The following SPTBN4 variants were observed in gnomAD, a reference collection of about 807,000 sequenced individuals.
SPTBN4 encodes spectrin beta chain, non-erythrocytic 4.
In SPTBN4, 96 loss-of-function variants were observed where a neutral mutation model predicts 277.8. That is an observed-to-expected ratio of 0.35 (90% CI 0.29 to 0.41). SPTBN4 has a LOEUF of 0.41. Ranked by LOEUF, SPTBN4 falls within the 10% of genes least tolerant of loss-of-function variation. SPTBN4 has a pLI of 1.00. For missense variants in SPTBN4, 3,006 were observed against 3,595.7 expected (o/e 0.84, Z 4.19); for synonymous variants, 1,481 against 1,580.3 (o/e 0.94, Z 1.49).
chr19:40,520,719 C>T (rs2080517214), intron 16 of SPTBN4, among the ~76,000 whole-genome samples: 1 of 152,096 alleles, frequency 6.6e-6, no homozygotes, highest in African/African-American at 2.4e-5. Context: ...GCATGAGGAA[C>T]CAAGTGCAGT....
chr19:40,467,503 G>A (rs1258091897), intron 1 of SPTBN4, among the ~76,000 whole-genome samples, 198 bp downstream of exon 1: 1 of 152,054 alleles, frequency 6.6e-6, no homozygotes, highest in Admixed American at 6.5e-5. Flanking sequence ...TTACCCCCAG[G>A]CCTTGTCCTT....
In SPTBN4 at chr19:40,567,991, C is replaced by G; in HGVS notation, c.6665C>G (p.Ala2222Gly). ...GCGGCGGAGACCCCCGCGACCCCCG[C>G]GGCGGCGGAGCAGGTGCGGCCACGA... is the stretch of plus-strand genomic sequence containing the variant. ...EDAAETPATP[A>G]AAEQVRPRPE... is the part of the protein sequence containing the mutation. Residue 2222 changes from alanine to glycine, a missense_variant, in exon 31 of 36, where the codon GCG (alanine) becomes GGG (glycine). Around this residue, in one of 5 missense-constraint regions of SPTBN4, gnomAD observed 630 missense variants for 677.6 expected, o/e 0.93. Coordinates refer to ENST00000598249, the MANE Select transcript of SPTBN4 (RefSeq NM_020971.3). 2 of 1,501,270 alleles carry G rather than the reference C, an allele frequency of 1.3e-6. No homozygotes were observed. The highest frequency in any genetic ancestry group is 1.8e-6 in the Non-Finnish European group (2 of 1,130,894). 93.0% of individuals were successfully genotyped at this position (1,501,270 alleles called of 1,614,324 possible).
chr19:40,570,341 A>G (rs900904958), intron 32 of SPTBN4, 95 bp from the exon 33 acceptor site: 2 of 732,746 alleles, frequency 2.7e-6, no homozygotes, highest in Non-Finnish European at 2.0e-6. Flanking sequence ...ATGGCCCTGT[A>G]GACAGATGGG....
At position 40,566,193 on chromosome 19, in the gene SPTBN4, C is replaced by T. The variant is rs774052253; in HGVS notation, c.6170C>T (p.Ala2057Val). The part of the protein sequence containing the change: ...MLEVHQFAQE[A>V]VVADAWLTAQ... Reference sequence around the variant, plus strand: ...GAGGTGCACCAGTTTGCCCAGGAGGCGGTGGTGGCTGATGCCTGGCTGACA... The same window carrying T: ...GAGGTGCACCAGTTTGCCCAGGAGGTGGTGGTGGCTGATGCCTGGCTGACA... The change falls in exon 30 of 36, where the codon GCG becomes GTG. Residue 2057 changes from alanine to valine, a missense_variant. This residue lies in a region of SPTBN4 where 425 missense variants were observed against 594.7 expected (regional missense o/e 0.71). Coordinates refer to ENST00000598249, the MANE Select transcript of SPTBN4 (RefSeq NM_020971.3). The T allele has an allele frequency of 3.6e-5, 56 of 1,540,058 alleles. No individual in the cohort carries two copies. The highest frequency in any genetic ancestry group is 4.4e-5 in the Non-Finnish European group (50 of 1,140,072).
chr19:40,493,944 G>A (rs149634065), intron 5 of SPTBN4, among the ~76,000 whole-genome samples: 50 of 152,176 alleles, frequency 3.3e-4, no homozygotes, highest in South Asian at 1.2e-3. Flanking sequence ...ACCCTCTCCC[G>A]CTGTGAGCAT....
Position 40,572,099 on chromosome 19 carries a change from G to T in SPTBN4, c.7400G>T (p.Ser2467Ile). The change falls in exon 34 of 36, where the codon AGC (serine) becomes ATC (isoleucine). Residue 2467 changes from serine (S) to isoleucine (I), a missense_variant. Transcript: ENST00000598249. ...GACTCCAAGGGCCCGGCATCCGGGA[G>T]CACACACGGTGGGGAACCGCTGCTC... Reference protein sequence around the residue: ...YKDSKGPASGSTHGGEPLLSL... With the variant: ...YKDSKGPASGITHGGEPLLSL... The T allele has an allele frequency of 6.2e-7, 1 of 1,613,170 alleles. No homozygotes were observed. Among genetic ancestry groups the T allele is most frequent in the Non-Finnish European group, 8.5e-7 (1 of 1,179,582 alleles).
At position 40,484,081 on chromosome 19, in the gene SPTBN4, C is replaced by T. The variant is rs115164927; in HGVS notation, c.170-3616C>T. On this transcript the variant is annotated intron_variant, in intron 2 of 35. Coordinates refer to ENST00000598249, the MANE Select transcript of SPTBN4 (RefSeq NM_020971.3). The stretch of plus-strand genomic sequence containing the variant: ...ATTTTATACAGGGCAGACCCTGTAT[C>T]AAAAAAAAAGAGAGAAAAACAAGTA... Among the ~76,000 whole-genome samples the T allele has an allele frequency of 9.4e-3, 1,399 of 149,502 alleles. 18 individuals are homozygous for T. Among genetic ancestry groups the T allele is most frequent in the African/African-American group, 0.031 (1,269 of 40,768 alleles).
At chr19:40,568,411 C>G in intron 31 of SPTBN4, 129 bp downstream of exon 31, 4 of 1,321,492 alleles carry the variant, frequency 3.0e-6, no homozygotes, top group Non-Finnish European at 4.0e-6. Context: ...GCCGCGGTAC[C>G]CATTTTGCAG....
At chr19:40,535,090 C>T (rs1008141939) in intron 20 of SPTBN4, among the ~76,000 whole-genome samples, 9 of 152,148 alleles carry the variant, frequency 5.9e-5, no homozygotes, top group Non-Finnish European at 1.2e-4. Flanking sequence ...GTTACTCACT[C>T]TGTCGCCCAA....
At chr19:40,473,819 A>T (rs1479230442) in intron 2 of SPTBN4, among the ~76,000 whole-genome samples, 1 of 151,792 alleles carries the variant, frequency 6.6e-6, no homozygotes, top group Non-Finnish European at 1.5e-5. Context: ...GGAACTTGAA[A>T]TGTCTAAGAG....
At chr19:40,467,724 C>T (rs2079842791) in intron 1 of SPTBN4, among the ~76,000 whole-genome samples, 1 of 151,940 alleles carries the variant, frequency 6.6e-6, no homozygotes, top group African/African-American at 2.4e-5. Flanking sequence ...ATGGCCAGAG[C>T]TGATCCTCGG....
rs750514930 is a variant in SPTBN4 at position 40,513,433 on chromosome 19, G to T, written c.2644G>T (p.Ala882Ser). The change falls in exon 14 of 36, where the codon GCT becomes TCT. Residue 882 changes from alanine to serine, a missense_variant. Ala to Ser is a moderately conservative substitution (Grantham distance 99). This residue lies in a region of SPTBN4 where 1,759 missense variants were observed against 2,061.5 expected (regional missense o/e 0.85). Coordinates refer to ENST00000598249, the MANE Select transcript of SPTBN4 (RefSeq NM_020971.3). ...LRRQWLRDAL[A>S]VYRMFGEVHA... ...GCGCCAGTGGCTGCGGGACGCGCTC[G>T]CTGTCTACCGCATGTTTGGCGAGGT... 5 of 1,603,346 alleles carry T rather than the reference G, an allele frequency of 3.1e-6. No individual in the cohort carries two copies. In the Admixed American group the frequency reaches 5.0e-5, roughly 16 times the overall value.
At chr19:40,562,931 G>A (rs889678132) in intron 27 of SPTBN4, among the ~76,000 whole-genome samples, 7 of 152,178 alleles carry the variant, frequency 4.6e-5, no homozygotes, top group African/African-American at 1.7e-4. Flanking sequence ...GGCCAATCTA[G>A]CCAAAAGAGG....
At chr19:40,501,898 T>C in intron 7 of SPTBN4, 23 bp from the exon 8 acceptor site, 1 of 1,607,754 alleles carries the variant, frequency 6.2e-7, no homozygotes, top group Non-Finnish European at 8.5e-7. Flanking sequence ...CTGTCTTGTT[T>C]CCCCACTCCC....
At position 40,497,477 on chromosome 19, in the gene SPTBN4, G is replaced by A; in HGVS notation, c.669-12G>A. 6.2e-7 allele frequency: 1 copy of A among 1,607,452 alleles called. No homozygotes were observed. Among genetic ancestry groups the A allele is most frequent in the Non-Finnish European group, 8.5e-7 (1 of 1,174,092 alleles). On this transcript the variant is annotated splice_polypyrimidine_tract_variant and intron_variant, in intron 6 of 35. Coordinates refer to ENST00000598249, the MANE Select transcript of SPTBN4 (RefSeq NM_020971.3). The stretch of plus-strand genomic sequence containing the variant: ...CCTGCCTGCTGCCTGCCTGCTCTGT[G>A]CCCCTGCCCAGGCCTGATCTCGTGG...
intron 2 of SPTBN4, among the ~76,000 whole-genome samples, chr19:40,483,144 TC>T (rs2080031563): frequency 1.3e-5 from 2 of 151,886 alleles, no homozygotes; most frequent in South Asian, 4.1e-4. Flanking sequence ...AAAACTGGGG[TC>T]CCGAGAGGGG....
chr19:40,548,088 A>G (rs1422944498), intron 20 of SPTBN4, among the ~76,000 whole-genome samples: 1 of 152,184 alleles, frequency 6.6e-6, no homozygotes, highest in Non-Finnish European at 1.5e-5. Context: ...TTGAATTGGC[A>G]CCTATGAAAC....
chr19:40,557,499 A>G, intron 26 of SPTBN4, 96 bp downstream of exon 26: 1 of 1,424,874 alleles, frequency 7.0e-7, no homozygotes, highest in Non-Finnish European at 9.3e-7. Flanking sequence ...GGTCGAAATT[A>G]GGCAGTGGCA....
intron 7 of SPTBN4, among the ~76,000 whole-genome samples, chr19:40,501,125 C>T (rs2080258729): frequency 6.6e-6 from 1 of 151,840 alleles, no homozygotes; most frequent in African/African-American, 2.4e-5. Flanking sequence ...TTAGTTCTGA[C>T]TACTCAGGAG....
Sources: allele counts gnomAD v4.1 joint callset (sites outside exome capture counted in the v4.1 genomes callset), GRCh38; gene constraint gnomAD v4.1.1; regional missense constraint gnomAD v4.1.1; transcripts MANE v1.5; gene names NCBI Gene and HGNC (gene_info 2026-07-23, HGNC 2026-07-21).